Variants in CLVS1 observed in about 807,000 individuals in gnomAD.
CLVS1 encodes the protein clavesin 1, also known as clavesin-1.
Under a neutral mutation model 33.1 loss-of-function variants are expected in CLVS1, and 10 were observed. That is an observed-to-expected ratio of 0.30 (90% CI 0.19 to 0.51). CLVS1 has a LOEUF of 0.51. Ranked by LOEUF, CLVS1 falls within the 20% of genes least tolerant of loss-of-function variation. The pLI, the probability that CLVS1 is intolerant of heterozygous loss-of-function variation, is 0.97. For synonymous variants in CLVS1, 163 were observed against 166.1 expected (o/e 0.98, Z 0.14); for missense variants, 343 against 433.4 (o/e 0.79, Z 1.85).
intron 5 of CLVS1, among the ~76,000 whole-genome samples, chr8:61,478,833 G>A (rs181397088): frequency 5.9e-5 from 9 of 152,240 alleles, no homozygotes; most frequent in Admixed American, 5.9e-4. Flanking sequence ...GGTTAATATT[G>A]TTATGTGTGA....
At position 61,458,493 on chromosome 8, in the gene CLVS1, C is replaced by T. The variant is rs139500383; in HGVS notation, c.928C>T (p.His310Tyr). 72 of 1,613,626 alleles carry T rather than the reference C, an allele frequency of 4.5e-5. No homozygotes were observed. In the Middle Eastern group the frequency reaches 4.9e-4, roughly 11 times the overall value. ...HTSYNAMHVK[H>Y]TSSNLERECS... Reference sequence around the variant, plus strand: ...ATCCTATAATGCAATGCACGTGAAGCATACGTCCTCGAATCTGGAGAGAGA... The same window carrying T: ...ATCCTATAATGCAATGCACGTGAAGTATACGTCCTCGAATCTGGAGAGAGA... The change falls in exon 5 of 6, where the codon CAT (histidine) becomes TAT (tyrosine). Residue 310 changes from histidine (H) to tyrosine (Y), a missense_variant. His to Tyr is a moderately conservative substitution (Grantham distance 83). This residue lies in a region of CLVS1 where 86 missense variants were observed against 95.0 expected (regional missense o/e 0.91). Transcript: ENST00000325897.
chr8:61,030,723 G>A, the CLVS1 span, among the ~76,000 whole-genome samples: 4 of 152,302 alleles, frequency 2.6e-5, no homozygotes, highest in Non-Finnish European at 5.9e-5. Context: ...AGGCATCAGG[G>A]TTTCCAAGGT....
chr8:61,335,850 G>A (rs1013629271), intron 2 of CLVS1, among the ~76,000 whole-genome samples: 19 of 152,178 alleles, frequency 1.2e-4, no homozygotes, highest in Non-Finnish European at 2.2e-4. Flanking sequence ...GATGGGGCAC[G>A]TGTTCCCTGC....
intron 3 of CLVS1, among the ~76,000 whole-genome samples, chr8:61,422,255 T>C (rs1214227053): frequency 6.6e-6 from 1 of 152,182 alleles, no homozygotes. Flanking sequence ...ATGTGTGAAA[T>C]TGGAGATTAC....
chr8:61,150,427 C>A (rs1281165596), intron 2 of CLVS1, among the ~76,000 whole-genome samples: 2 of 152,200 alleles, frequency 1.3e-5, no homozygotes, highest in Non-Finnish European at 2.9e-5. Flanking sequence ...CTCCTGAGAC[C>A]AGATGCTAGG....
chr8:61,300,482 G>C (rs777892447), intron 2 of CLVS1, 200 bp downstream of exon 2: 10 of 540,780 alleles, frequency 1.8e-5, no homozygotes, highest in Admixed American at 3.5e-5. Context: ...CATTAGAGTT[G>C]TAAGAGACCT....
At position 61,381,978 on chromosome 8, in the gene CLVS1, T is replaced by C. The variant is rs191157193; in HGVS notation, c.630+5199T>C. Among the ~76,000 whole-genome samples, 32 of 152,290 alleles carry C rather than the reference T, an allele frequency of 2.1e-4. No homozygotes were observed. The East Asian group carries it at 2.5e-3, about 12-fold the overall frequency. ...CCAGTAATGAGATTGCTGGGTTGAA[T>C]GGTAATTCTGTTTTTAGCTCTTTGG... On this transcript the variant is annotated intron_variant, in intron 3 of 5. Transcript: ENST00000325897.
intron 2 of CLVS1, among the ~76,000 whole-genome samples, chr8:61,189,738 A>G (rs918500788): frequency 5.9e-5 from 9 of 152,342 alleles, no homozygotes; most frequent in African/African-American, 2.2e-4. Context: ...CTTGGATAAA[A>G]CAGACTTTAA....
At chr8:61,273,538 T>A (rs908215497) in intron 2 of CLVS1, among the ~76,000 whole-genome samples, 10 of 152,284 alleles carry the variant, frequency 6.6e-5, no homozygotes, top group African/African-American at 1.9e-4. Context: ...GCTTCCCAGC[T>A]GCTTTGTTTA....
At chr8:61,419,446 A>G (rs1815569833) in intron 3 of CLVS1, among the ~76,000 whole-genome samples, 1 of 151,912 alleles carries the variant, frequency 6.6e-6, no homozygotes, top group Non-Finnish European at 1.5e-5. Context: ...TGAAAATGAG[A>G]AAGAAAATAA....
chr8:61,160,720 T>C (rs1290682338), intron 2 of CLVS1, among the ~76,000 whole-genome samples: 1 of 152,106 alleles, frequency 6.6e-6, no homozygotes, highest in Non-Finnish European at 1.5e-5. Flanking sequence ...ATTTGTTGAG[T>C]CCAGTTAAAT....
At chr8:61,174,051 A>G (rs1209648773) in intron 2 of CLVS1, among the ~76,000 whole-genome samples, 1 of 152,218 alleles carries the variant, frequency 6.6e-6, no homozygotes, top group Admixed American at 6.5e-5. Context: ...CCTGTCTGAC[A>G]AATATCAAAA....
chr8:61,078,770 C>A (rs1244861375), intron 1 of CLVS1, among the ~76,000 whole-genome samples: 1 of 152,156 alleles, frequency 6.6e-6, no homozygotes, highest in African/African-American at 2.4e-5. Flanking sequence ...CCTATTAGCT[C>A]TCCATGGCTA....
intron 2 of CLVS1, among the ~76,000 whole-genome samples, chr8:61,269,413 A>C (rs992033475): frequency 2.6e-5 from 4 of 152,010 alleles, no homozygotes; most frequent in Non-Finnish European, 4.4e-5. Flanking sequence ...TGTTTTGGTT[A>C]CTGTAGCCTT....
intron 2 of CLVS1, among the ~76,000 whole-genome samples, chr8:61,270,346 G>A (rs550480037): frequency 1.3e-5 from 2 of 152,328 alleles, no homozygotes; most frequent in African/African-American, 4.8e-5. Flanking sequence ...AACCAGCCTT[G>A]CATCCAAGGG....
intron 2 of CLVS1, among the ~76,000 whole-genome samples, chr8:61,231,739 G>A (rs112033240): frequency 0.019 from 2,957 of 152,332 alleles, 84 homozygotes; most frequent in African/African-American, 0.064. Flanking sequence ...CTGAAACTGG[G>A]AATGGGGGAG....
At chr8:61,010,692 A>G in the CLVS1 span, among the ~76,000 whole-genome samples, 1 of 152,188 alleles carries the variant, frequency 6.6e-6, no homozygotes, top group Non-Finnish European at 1.5e-5. Flanking sequence ...AGTATCCACC[A>G]TACCTGCTCT....
intron 1 of CLVS1, 155 bp downstream of exon 1, chr8:61,288,293 C>A: frequency 2.2e-6 from 1 of 455,944 alleles, no homozygotes; most frequent in South Asian, 1.5e-5. Context: ...GCACCGCACC[C>A]CGCTCCCCGC....
chr8:61,287,400 AT>A (rs1314075038), upstream of CLVS1, among the ~76,000 whole-genome samples: 1 of 151,984 alleles, frequency 6.6e-6, no homozygotes, highest in Non-Finnish European at 1.5e-5. Context: ...ACTTGCTGCA[AT>A]TTTTTAAAGT....
Sources: allele counts gnomAD v4.1 joint callset (sites outside exome capture counted in the v4.1 genomes callset), GRCh38; gene constraint gnomAD v4.1.1; regional missense constraint gnomAD v4.1.1; transcripts MANE v1.5; gene names NCBI Gene and HGNC (gene_info 2026-07-23, HGNC 2026-07-21).